Variants in XKR4 observed in about 807,000 individuals in gnomAD.
XKR4 encodes the protein XK related 4, also known as XK-related protein 4.
XKR4 carries 12 observed loss-of-function variants against 53.9 expected under a neutral mutation model. The ratio of observed to expected loss-of-function variants is 0.22; its 90% CI spans 0.14 to 0.36. XKR4 has a LOEUF of 0.36. XKR4 is among the 10% of genes least tolerant of loss of function. The probability of loss-of-function intolerance (pLI) is 1.00; values close to 1 mark genes in which losing one functional copy is unlikely to be tolerated. For synonymous variants in XKR4, 354 were observed against 362.4 expected (o/e 0.98, Z 0.26); for missense variants, 799 against 859.5 (o/e 0.93, Z 0.88).
intron 1 of XKR4, among the ~76,000 whole-genome samples, chr8:55,230,874 G>C (rs949545733): frequency 6.6e-6 from 1 of 152,062 alleles, no homozygotes; most frequent in Non-Finnish European, 1.5e-5. Context: ...ACTGGTGCTC[G>C]GAGTAGGAGA....
At chr8:55,506,087 A>G (rs1347730981) in intron 2 of XKR4, among the ~76,000 whole-genome samples, 1 of 152,268 alleles carries the variant, frequency 6.6e-6, no homozygotes, top group African/African-American at 2.4e-5. Flanking sequence ...AGTAATTGAA[A>G]GACAGAATGA....
At chr8:55,190,458 A>C (rs1842501) in intron 1 of XKR4, among the ~76,000 whole-genome samples, 127,671 of 152,126 alleles carry the variant, frequency 0.84, 54,076 homozygotes, top group African/African-American at 0.95. Flanking sequence ...ACAGTTTTTC[A>C]AAAAATTTCC....
At chr8:55,179,091 C>T (rs1389959924) in intron 1 of XKR4, among the ~76,000 whole-genome samples, 1 of 152,044 alleles carries the variant, frequency 6.6e-6, no homozygotes. Flanking sequence ...AGCTAGACAT[C>T]ATGAAATCAG....
intron 1 of XKR4, among the ~76,000 whole-genome samples, chr8:55,353,299 C>T (rs1335225973): frequency 6.6e-6 from 1 of 152,118 alleles, no homozygotes; most frequent in African/African-American, 2.4e-5. Flanking sequence ...GGGGTGACTC[C>T]TAATCAGTAT....
At position 55,513,761 on chromosome 8, in the gene XKR4, C is replaced by T. The variant is rs78099854; in HGVS notation, c.1007-9520C>T. Among the ~76,000 whole-genome samples the T allele has an allele frequency of 3.7e-4, 57 of 152,294 alleles. 1 individual carries two copies. In the East Asian group the frequency reaches 9.4e-3, roughly 25 times the overall value. ...AGCACCACCTATGCCCATACTGTAA[C>T]CATCTAAAAAAGTTTCTTTGAGTTA... On this transcript the variant is annotated intron_variant, in intron 2 of 2. Coordinates refer to ENST00000327381, the MANE Select transcript of XKR4 (RefSeq NM_052898.2).
chr8:55,180,494 T>C (rs1817293214), intron 1 of XKR4, among the ~76,000 whole-genome samples: 1 of 152,204 alleles, frequency 6.6e-6, no homozygotes, highest in South Asian at 2.1e-4. Flanking sequence ...TTGGGAGACA[T>C]TTTTCTAGCG....
At chr8:55,438,089 C>A (rs1056512763) in intron 2 of XKR4, among the ~76,000 whole-genome samples, 6 of 151,870 alleles carry the variant, frequency 4.0e-5, no homozygotes, top group African/African-American at 9.7e-5. Context: ...CCTGTAAGAG[C>A]AAGAGAGGGT....
intron 1 of XKR4, among the ~76,000 whole-genome samples, chr8:55,173,179 G>A (rs1028503405): frequency 2.6e-5 from 4 of 152,118 alleles, no homozygotes; most frequent in Admixed American, 2.0e-4. Flanking sequence ...AGACACATTA[G>A]CACTTAAGAG....
At chr8:55,158,450 T>A (rs896918200) in intron 1 of XKR4, among the ~76,000 whole-genome samples, 3 of 152,184 alleles carry the variant, frequency 2.0e-5, no homozygotes, top group African/African-American at 7.2e-5. Context: ...CTATAGGTTG[T>A]CTGTTTACTC....
intron 1 of XKR4, among the ~76,000 whole-genome samples, chr8:55,266,923 G>A (rs1818611895): frequency 6.6e-6 from 1 of 152,162 alleles, no homozygotes; most frequent in South Asian, 2.1e-4. Context: ...GTGGCCAAGA[G>A]GCATTACAGG....
chr8:55,315,511 C>T (rs537207769), intron 1 of XKR4, among the ~76,000 whole-genome samples: 3 of 152,074 alleles, frequency 2.0e-5, no homozygotes, highest in Non-Finnish European at 4.4e-5. Context: ...GACTCAGCAC[C>T]CGTTTGAATG....
intron 1 of XKR4, among the ~76,000 whole-genome samples, chr8:55,212,017 G>C (rs1200525957): frequency 6.6e-6 from 1 of 152,114 alleles, no homozygotes; most frequent in Admixed American, 6.5e-5. Flanking sequence ...GGGTGGAGGG[G>C]CAGGGAGCTT....
intron 2 of XKR4, among the ~76,000 whole-genome samples, chr8:55,514,634 T>G (rs1333738946): frequency 6.6e-6 from 1 of 152,062 alleles, no homozygotes; most frequent in Non-Finnish European, 1.5e-5. Flanking sequence ...GTTTCCCTCT[T>G]CATTTCTCGC....
chr8:55,103,313 G>C lies in XKR4; in HGVS notation c.806+19G>C, dbSNP rs1257953709. On this transcript the variant is annotated intron_variant, in intron 1 of 2. Coordinates refer to ENST00000327381, the MANE Select transcript of XKR4 (RefSeq NM_052898.2). ...TCTGGAGGTACTGTAATGGGTGGGGGAAAAGGGAGGCTTGCTGCTGCTACT... is the reference window on the plus strand; with the variant it reads ...TCTGGAGGTACTGTAATGGGTGGGGCAAAAGGGAGGCTTGCTGCTGCTACT... 1 of 1,570,194 alleles carries C rather than the reference G, an allele frequency of 6.4e-7. No individual in the cohort carries two copies. The highest frequency in any genetic ancestry group is 1.8e-5 in the Admixed American group (1 of 54,942).
intron 1 of XKR4, among the ~76,000 whole-genome samples, chr8:55,213,610 G>GA (rs1563484655): frequency 6.6e-6 from 1 of 152,170 alleles, no homozygotes; most frequent in African/African-American, 2.4e-5. Flanking sequence ...TCCCAGGCAA[G>GA]AAGGGGGTTT....
intron 2 of XKR4, among the ~76,000 whole-genome samples, chr8:55,377,580 A>T (rs918077326): frequency 6.6e-6 from 1 of 152,170 alleles, no homozygotes; most frequent in African/African-American, 2.4e-5. Flanking sequence ...GAAAAGAGGG[A>T]AACAGGGGAG....
intron 1 of XKR4, among the ~76,000 whole-genome samples, chr8:55,117,443 G>A (rs1224580934): frequency 6.6e-6 from 1 of 152,178 alleles, no homozygotes; most frequent in Non-Finnish European, 1.5e-5. Context: ...CTTGCTTAAG[G>A]CCGAGCAACA....
chr8:55,216,016 A>G (rs1402859226), intron 1 of XKR4, among the ~76,000 whole-genome samples: 3 of 152,362 alleles, frequency 2.0e-5, no homozygotes, highest in African/African-American at 7.2e-5. Context: ...GAATCTAAAC[A>G]CATAAGTTAC....
chr8:55,214,504 C>T (rs1413945315), intron 1 of XKR4, among the ~76,000 whole-genome samples: 1 of 152,128 alleles, frequency 6.6e-6, no homozygotes, highest in African/African-American at 2.4e-5. Flanking sequence ...ATTAATTTGT[C>T]CTGAATGTCC....
Sources: allele counts gnomAD v4.1 joint callset (sites outside exome capture counted in the v4.1 genomes callset), GRCh38; gene constraint gnomAD v4.1.1; transcripts MANE v1.5; gene names NCBI Gene and HGNC (gene_info 2026-07-23, HGNC 2026-07-21).